LRBA: variants seen among roughly 807,000 people sequenced by gnomAD.
The protein encoded by LRBA is lipopolysaccharide-responsive and beige-like anchor protein.
LRBA carries 176 observed loss-of-function variants against 330.0 expected under a neutral mutation model. The observed-to-expected ratio is 0.53, with a 90% CI of 0.47 to 0.60. The LOEUF (loss-of-function observed/expected upper bound fraction) is 0.60, where lower values mean the gene tolerates loss of function less well. LRBA is among the 20% of genes least tolerant of loss of function. The probability of loss-of-function intolerance (pLI) is 0.00; values close to 1 mark genes in which losing one functional copy is unlikely to be tolerated. For synonymous variants in LRBA, 1,230 were observed against 1,193.0 expected (o/e 1.03, Z -0.64); for missense variants, 3,259 against 3,444.8 (o/e 0.95, Z 1.35).
At chr4:150,454,041 A>G (rs939975854) in intron 44 of LRBA, among the ~76,000 whole-genome samples, 2 of 152,038 alleles carry the variant, frequency 1.3e-5, no homozygotes, top group Non-Finnish European at 2.9e-5. Context: ...ACTCACTGCA[A>G]CCTCCAACTC....
chr4:150,636,206 A>G (rs1344159734), intron 37 of LRBA, among the ~76,000 whole-genome samples: 1 of 141,844 alleles, frequency 7.1e-6, no homozygotes, highest in Admixed American at 7.2e-5. Context: ...TCCCTTTGTA[A>G]TTAATGAATA....
chr4:150,712,578 C>T (rs1284758021), intron 36 of LRBA, among the ~76,000 whole-genome samples: 1 of 152,152 alleles, frequency 6.6e-6, no homozygotes, highest in Non-Finnish European at 1.5e-5. Context: ...ATGTTCTCTC[C>T]TCAGAAAATT....
At chr4:150,462,789 T>C (rs1754945066) in intron 44 of LRBA, among the ~76,000 whole-genome samples, 1 of 151,938 alleles carries the variant, frequency 6.6e-6, no homozygotes, top group Non-Finnish European at 1.5e-5. Flanking sequence ...CATTAAGCTA[T>C]GCATACAATG....
chr4:150,897,824 A>G lies in LRBA; in HGVS notation c.1925-6T>C, dbSNP rs776929115. ...TTGATTAGGTCGCGGTCCATCTTTT[A>G]AAAAAATATACACATACACATTTAG... On this transcript the variant is annotated splice_region_variant and splice_polypyrimidine_tract_variant and intron_variant, in intron 14 of 56. Transcript: ENST00000651943. 13 of 1,590,114 alleles carry G rather than the reference A, an allele frequency of 8.2e-6. No homozygotes were observed. The highest frequency in any genetic ancestry group is 1.1e-5 in the Non-Finnish European group (13 of 1,159,714).
rs1747622946 is a variant in LRBA, at chr4:150,415,599, A to C, written c.7042-9T>G. 6.7e-7 allele frequency: 1 copy of C among 1,500,528 alleles called. No homozygotes were observed. The highest frequency in any genetic ancestry group is 1.4e-5 in the African/African-American group (1 of 72,482). The allele number at this position is 1,500,528 out of a possible 1,614,324, so 93.0% of individuals were successfully genotyped here. A position where few individuals can be genotyped will look rare whatever the true frequency, so the allele number is the denominator to read the frequency against. ...AATTCAGGGATCAACTCCTATATAA[A>C]AATAAAAGACAATGTGATATTATAA... On this transcript the variant is annotated splice_polypyrimidine_tract_variant and intron_variant, in intron 46 of 56. Transcript: ENST00000651943.
intron 2 of LRBA, among the ~76,000 whole-genome samples, chr4:150,955,604 G>C (rs1342281838): frequency 1.4e-5 from 2 of 147,492 alleles, no homozygotes; most frequent in East Asian, 3.9e-4. Context: ...TAATAATAAT[G>C]ACGTAGGCCG....
chr4:150,874,610 A>C (rs888987530), intron 17 of LRBA, among the ~76,000 whole-genome samples: 2 of 152,214 alleles, frequency 1.3e-5, no homozygotes, highest in Admixed American at 1.3e-4. Flanking sequence ...ACCAGTCTGC[A>C]TGTGTCATTG....
chr4:150,826,035 G>A (rs1746226792), intron 30 of LRBA, among the ~76,000 whole-genome samples: 1 of 152,078 alleles, frequency 6.6e-6, no homozygotes, highest in South Asian at 2.1e-4. Context: ...TCTTTATCTT[G>A]CACTGAAAAT....
At chr4:150,931,315 T>C (rs1477966619) in intron 2 of LRBA, among the ~76,000 whole-genome samples, 2 of 151,756 alleles carry the variant, frequency 1.3e-5, no homozygotes, top group South Asian at 2.1e-4. Flanking sequence ...AAAAAAGGCA[T>C]GTATATGAAT....
chr4:150,599,989 G>A (rs974061073), intron 37 of LRBA, among the ~76,000 whole-genome samples: 1 of 151,666 alleles, frequency 6.6e-6, no homozygotes, highest in Non-Finnish European at 1.5e-5. Context: ...TTAAAAAAAG[G>A]TTTGCTCATT....
At chr4:150,618,517 C>A (rs928594902) in intron 37 of LRBA, among the ~76,000 whole-genome samples, 6 of 152,248 alleles carry the variant, frequency 3.9e-5, no homozygotes, top group Middle Eastern at 3.4e-3. Context: ...TCTCTTTCAA[C>A]TCCTAATCTT....
Position 150,583,029 on chromosome 4 carries a change from C to A in LRBA, c.6330+5019G>T, listed in dbSNP as rs1294001798. 5 of 1,586,484 alleles carry A rather than the reference C, an allele frequency of 3.2e-6. No homozygotes were observed. Among genetic ancestry groups the A allele is most frequent in the Non-Finnish European group, 4.3e-6 (5 of 1,164,746 alleles). On this transcript the variant is annotated intron_variant, in intron 40 of 56. Coordinates refer to ENST00000651943, the MANE Select transcript of LRBA (RefSeq NM_001364905.1). This position sits in a 1 kb window ranked among gnomAD's most constrained non-coding sequence, Gnocchi z 9.8. Reference sequence around the variant, plus strand: ...TGTATAGCCCGGACCTGTGCCCCAACATGATCGCCGCTCAGGCCAAGCTGG... The same window carrying A: ...TGTATAGCCCGGACCTGTGCCCCAAAATGATCGCCGCTCAGGCCAAGCTGG...
chr4:150,496,973 T>C (rs934112714), intron 40 of LRBA, among the ~76,000 whole-genome samples: 3 of 152,090 alleles, frequency 2.0e-5, no homozygotes, highest in Non-Finnish European at 2.9e-5. Context: ...CATAATTACA[T>C]AGTCACAGGT....
At chr4:150,283,036 G>C (rs1747735013) in intron 54 of LRBA, among the ~76,000 whole-genome samples, 1 of 152,194 alleles carries the variant, frequency 6.6e-6, no homozygotes, top group African/African-American at 2.4e-5. Flanking sequence ...GGTACACTAA[G>C]ACCTCTCCCT....
At chr4:150,516,120 G>A (rs1308818893) in intron 40 of LRBA, among the ~76,000 whole-genome samples, 1 of 150,926 alleles carries the variant, frequency 6.6e-6, no homozygotes, top group African/African-American at 2.4e-5. Context: ...AGACTAGTAA[G>A]GAGTATTCTA....
chr4:150,515,894 T>G (rs1463675124), intron 40 of LRBA, among the ~76,000 whole-genome samples: 1 of 151,814 alleles, frequency 6.6e-6, no homozygotes, highest in Non-Finnish European at 1.5e-5. Flanking sequence ...TATAAAACAA[T>G]TATTAGAGGA....
intron 40 of LRBA, among the ~76,000 whole-genome samples, chr4:150,505,276 A>AT (rs1271714918): frequency 2.0e-5 from 3 of 152,036 alleles, no homozygotes; most frequent in East Asian, 1.9e-4. Context: ...CAGAATATAC[A>AT]TTTTTTTTCA....
At chr4:150,470,403 C>G (rs891445745) in intron 43 of LRBA, among the ~76,000 whole-genome samples, 1 of 152,070 alleles carries the variant, frequency 6.6e-6, no homozygotes, top group Non-Finnish European at 1.5e-5. Context: ...TACTAACTTT[C>G]CTTCTCTCTT....
rs1737042141 is a variant in LRBA, at chr4:150,953,167, A to G, written c.217-24102T>C. 3.3e-5 allele frequency among the ~76,000 whole-genome samples: 5 copies of G among 152,184 alleles called. No homozygotes were observed. In the South Asian group the frequency reaches 1.0e-3, roughly 32 times the overall value. ...ATAACATGCTAACTAAATTAAAATT[A>G]GGGTAACTAATCCTTATTTTAATAA... On this transcript the variant is annotated intron_variant, in intron 2 of 56. Coordinates refer to ENST00000651943, the MANE Select transcript of LRBA (RefSeq NM_001364905.1).
Sources: allele counts gnomAD v4.1 joint callset (sites outside exome capture counted in the v4.1 genomes callset), GRCh38; gene constraint gnomAD v4.1.1; non-coding constraint Gnocchi (gnomAD v3.1); transcripts MANE v1.5; gene names NCBI Gene and HGNC (gene_info 2026-07-23, HGNC 2026-07-21).